The following LRBA variants were observed in gnomAD, a reference collection of about 807,000 sequenced individuals.
LRBA encodes the protein lipopolysaccharide-responsive and beige-like anchor protein.
In LRBA, 176 loss-of-function variants were observed where a neutral mutation model predicts 330.0. The observed-to-expected ratio is 0.53, with a 90% CI of 0.47 to 0.60. LRBA has a LOEUF of 0.60. Ranked by LOEUF, LRBA falls within the 20% of genes least tolerant of loss-of-function variation. LRBA has a pLI of 0.00. For synonymous variants in LRBA, 1,230 were observed against 1,193.0 expected (o/e 1.03, Z -0.64); for missense variants, 3,259 against 3,444.8 (o/e 0.95, Z 1.35).
At chr4:150,593,456 T>C (rs1313023976) in intron 38 of LRBA, among the ~76,000 whole-genome samples, 1 of 152,122 alleles carries the variant, frequency 6.6e-6, no homozygotes, top group African/African-American at 2.4e-5. Context: ...GTTTGACAAT[T>C]AGAGTCAGGA....
chr4:150,894,130 C>T (rs928842431), intron 16 of LRBA, among the ~76,000 whole-genome samples: 3 of 151,946 alleles, frequency 2.0e-5, no homozygotes, highest in African/African-American at 7.3e-5. Flanking sequence ...AAGGGTTATT[C>T]TCTATTACAG....
At chr4:150,957,602 C>T (rs538114907) in intron 2 of LRBA, among the ~76,000 whole-genome samples, 3 of 148,798 alleles carry the variant, frequency 2.0e-5, no homozygotes, top group African/African-American at 7.8e-5. Context: ...ACAGTCCCCC[C>T]AGTCTTAACC....
At chr4:150,824,811 G>C (rs1042235776) in intron 30 of LRBA, among the ~76,000 whole-genome samples, 1 of 152,068 alleles carries the variant, frequency 6.6e-6, no homozygotes, top group Non-Finnish European at 1.5e-5. Context: ...TTCTCCCTCT[G>C]TCACCCAGGC....
chr4:150,964,129 G>T (rs1232160267), intron 2 of LRBA, among the ~76,000 whole-genome samples: 1 of 148,804 alleles, frequency 6.7e-6, no homozygotes, highest in Admixed American at 6.6e-5. Flanking sequence ...AGGAGGTGGG[G>T]GGCAGCCCCC....
At chr4:150,704,607 A>G (rs895004254) in intron 36 of LRBA, among the ~76,000 whole-genome samples, 17 of 152,138 alleles carry the variant, frequency 1.1e-4, no homozygotes, top group South Asian at 2.1e-4. Context: ...GCATATCTAC[A>G]TTATACATAT....
At chr4:150,297,699 C>T (rs1048529075) in intron 53 of LRBA, among the ~76,000 whole-genome samples, 2 of 152,162 alleles carry the variant, frequency 1.3e-5, no homozygotes, top group Non-Finnish European at 2.9e-5. Context: ...GGAACCTAAA[C>T]ATAAAATACC....
intron 37 of LRBA, among the ~76,000 whole-genome samples, chr4:150,660,734 C>G (rs1359294403): frequency 1.5e-5 from 2 of 131,302 alleles, no homozygotes; most frequent in Non-Finnish European, 3.3e-5. Context: ...AGAAAAATTC[C>G]TCTGTCTTGG....
At chr4:150,483,964 A>T (rs964963454) in intron 42 of LRBA, among the ~76,000 whole-genome samples, 7 of 152,102 alleles carry the variant, frequency 4.6e-5, no homozygotes, top group Non-Finnish European at 8.8e-5. Flanking sequence ...TGAGTTTTAT[A>T]TACTGACCCA....
rs111721711 is a variant in LRBA at position 150,711,237 on chromosome 4, ATT to A, written c.5754+24019_5754+24020del. Among the ~76,000 whole-genome samples, 1,321 of 143,070 alleles carry A rather than the reference ATT, an allele frequency of 9.2e-3. 25 individuals carry two copies. Among genetic ancestry groups the A allele is most frequent in the African/African-American group, 0.032 (1,253 of 39,148 alleles). 93.9% of individuals were successfully genotyped at this position (143,070 alleles called of 152,430 possible). On this transcript the variant is annotated intron_variant, in intron 36 of 56. Coordinates refer to ENST00000651943, the MANE Select transcript of LRBA (RefSeq NM_001364905.1). ...CAAAGAAGTCAAATCTAAGAAGTTAATTTTTTTTTTTTTTTTGAGAAAGAGTC... is the reference window on the plus strand; with the variant it reads ...CAAAGAAGTCAAATCTAAGAAGTTAATTTTTTTTTTTTTTGAGAAAGAGTC...
chr4:150,558,468 T>C (rs1443350086), intron 40 of LRBA, among the ~76,000 whole-genome samples: 1 of 152,208 alleles, frequency 6.6e-6, no homozygotes, highest in Non-Finnish European at 1.5e-5. Context: ...TGAGAGCTCT[T>C]TCATTTGGCT....
chr4:150,782,426 A>G (rs956967906), intron 34 of LRBA, among the ~76,000 whole-genome samples: 1 of 152,196 alleles, frequency 6.6e-6, no homozygotes, highest in South Asian at 2.1e-4. Flanking sequence ...AGCCAAAATA[A>G]AAGTATCAGT....
chr4:150,265,553 C>A lies in LRBA; in HGVS notation c.*169G>T. On this transcript the variant is annotated 3_prime_UTR_variant, in exon 57 of 57. Coordinates refer to ENST00000651943, the MANE Select transcript of LRBA (RefSeq NM_001364905.1). ...AGCCAGTTTTCTGCTTTGCTAATCC[C>A]CCCCAAAAAAGTCAAGCAAAGACTA... 1.9e-6 allele frequency: 1 copy of A among 535,914 alleles called. No homozygotes were observed. Among genetic ancestry groups the A allele is most frequent in the South Asian group, 2.5e-5 (1 of 40,090 alleles). The allele number at this position is 535,914 out of a possible 1,614,324, so 33.2% of individuals were successfully genotyped here.
intron 14 of LRBA, among the ~76,000 whole-genome samples, chr4:150,898,952 T>G (rs952314786): frequency 6.6e-6 from 1 of 152,208 alleles, no homozygotes; most frequent in Non-Finnish European, 1.5e-5. Flanking sequence ...AAAAGTAGTA[T>G]GCAAATTGAA....
chr4:150,686,807 T>C (rs1407647666), intron 36 of LRBA, among the ~76,000 whole-genome samples: 1 of 152,158 alleles, frequency 6.6e-6, no homozygotes. Context: ...AAATAGCTTG[T>C]CATTTCTATC....
At chr4:150,809,869 CG>C (rs1336497413) in intron 31 of LRBA, among the ~76,000 whole-genome samples, 4 of 89,024 alleles carry the variant, frequency 4.5e-5, no homozygotes, top group Admixed American at 1.1e-4. Context: ...CGATACGATA[CG>C]ATACGATACG....
chr4:150,667,408 G>C (rs998571526), intron 37 of LRBA, among the ~76,000 whole-genome samples: 1 of 152,186 alleles, frequency 6.6e-6, no homozygotes, highest in Non-Finnish European at 1.5e-5. Flanking sequence ...GAGAAGCAGA[G>C]TCAGAGAGAA....
At chr4:150,639,839 A>G (rs199818229) in intron 37 of LRBA, among the ~76,000 whole-genome samples, 1,661 of 37,882 alleles carry the variant, frequency 0.044, 316 homozygotes, top group Non-Finnish European at 0.058. Context: ...ATATATATAT[A>G]TATATATATA....
intron 37 of LRBA, among the ~76,000 whole-genome samples, chr4:150,642,488 T>A (rs1350978251): frequency 6.6e-6 from 1 of 151,844 alleles, no homozygotes; most frequent in East Asian, 1.9e-4. Context: ...GTAATAGACA[T>A]AATAGCTGTG....
chr4:150,488,616 C>A (rs1231147958), intron 41 of LRBA, among the ~76,000 whole-genome samples: 1 of 151,196 alleles, frequency 6.6e-6, no homozygotes, highest in Non-Finnish European at 1.5e-5. Context: ...TAAAATCATA[C>A]AATCTTGAGA....
Sources: allele counts gnomAD v4.1 joint callset (sites outside exome capture counted in the v4.1 genomes callset), GRCh38; gene constraint gnomAD v4.1.1; transcripts MANE v1.5; gene names NCBI Gene and HGNC (gene_info 2026-07-23, HGNC 2026-07-21).